Variants in DENND2B observed in about 807,000 individuals in gnomAD.
DENND2B encodes DENN domain-containing protein 2B.
In DENND2B, 32 loss-of-function variants were observed where a neutral mutation model predicts 116.0. The ratio of observed to expected loss-of-function variants is 0.28; its 90% CI spans 0.21 to 0.37. The LOEUF is 0.37. DENND2B is among the 10% of genes least tolerant of loss of function. The probability of loss-of-function intolerance (pLI) is 1.00; values close to 1 mark genes in which losing one functional copy is unlikely to be tolerated. For missense variants in DENND2B, 1,276 were observed against 1,477.7 expected, an observed-to-expected ratio of 0.86 and a Z score of 2.24; for synonymous variants, 588 against 583.9, an observed-to-expected ratio of 1.01 and a Z score of -0.10.
chr11:8,883,643 G>A (rs1406280481), intron 1 of DENND2B, among the ~76,000 whole-genome samples: 2 of 152,172 alleles, frequency 1.3e-5, no homozygotes, highest in African/African-American at 4.8e-5. Flanking sequence ...TTAGAGCTAG[G>A]AAATTTGATG....
chr11:8,770,934 C>A lies in DENND2B; in HGVS notation c.-25-20209G>T, dbSNP rs531044182. ...CACCCCACCTTTTCTGCCAGTCTGA[C>A]ACTCATCTCCTAGCCTCTCTGATAG... On this transcript the variant is annotated intron_variant, in intron 1 of 19. Coordinates refer to ENST00000313726, the MANE Select transcript of DENND2B (RefSeq NM_213618.2). 1.4e-4 allele frequency among the ~76,000 whole-genome samples: 21 copies of A among 152,336 alleles called. No individual in the cohort carries two copies. The East Asian group carries it at 3.9e-3, about 28-fold the overall frequency.
intron 1 of DENND2B, chr11:8,766,586 C>G (rs1246684599): frequency 1.6e-6 from 2 of 1,281,658 alleles, no homozygotes; most frequent in East Asian, 1.1e-4. Context: ...GACAGACCAT[C>G]CACTGAAAGG....
upstream of DENND2B, among the ~76,000 whole-genome samples, chr11:8,812,942 T>C (rs1407227373): frequency 2.6e-5 from 4 of 152,192 alleles, no homozygotes; most frequent in African/African-American, 9.7e-5. Flanking sequence ...AAAAAGGTCC[T>C]GATGTTATTT....
At chr11:8,750,225 T>C (rs1212022907) in intron 2 of DENND2B, among the ~76,000 whole-genome samples, 2 of 152,198 alleles carry the variant, frequency 1.3e-5, no homozygotes, top group Non-Finnish European at 2.9e-5. Context: ...AGGCTGCTGC[T>C]TGGAGTTTGT....
chr11:8,763,529 C>A (rs928093329), intron 1 of DENND2B, among the ~76,000 whole-genome samples: 1 of 151,548 alleles, frequency 6.6e-6, no homozygotes, highest in Non-Finnish European at 1.5e-5. Context: ...TGGTATTTTA[C>A]ATAATGATTA....
chr11:8,833,735 G>A (rs1025546022), intron 4 of DENND2B, among the ~76,000 whole-genome samples: 1 of 152,114 alleles, frequency 6.6e-6, no homozygotes, highest in African/African-American at 2.4e-5. Context: ...CTAAGCACCT[G>A]GAATCTCCCC....
At chr11:8,694,240 A>G in intron 19 of DENND2B, 110 bp from the exon 20 acceptor site, 1 of 1,281,426 alleles carries the variant, frequency 7.8e-7, no homozygotes, top group South Asian at 1.3e-5. Flanking sequence ...AGGATTAGGA[A>G]GACTGGATTA....
intron 1 of DENND2B, among the ~76,000 whole-genome samples, chr11:8,763,323 T>C (rs1029496293): frequency 3.3e-5 from 5 of 152,164 alleles, no homozygotes; most frequent in Non-Finnish European, 7.4e-5. Flanking sequence ...TGGAATAACG[T>C]TGGGTATTAT....
At chr11:8,813,307 G>C (rs577001445), upstream of DENND2B, among the ~76,000 whole-genome samples, 2 of 152,146 alleles carry the variant, frequency 1.3e-5, no homozygotes, top group Non-Finnish European at 2.9e-5. Context: ...GAAGCAATCA[G>C]AGCTTGAAAG....
At chr11:8,708,183 A>G in intron 11 of DENND2B, 1 of 1,272,508 alleles carries the variant, frequency 7.9e-7, no homozygotes. Flanking sequence ...GTGTCTGTGG[A>G]TTCATAGCCC....
At chr11:8,700,290 G>A (rs2041311768) in intron 14 of DENND2B, among the ~76,000 whole-genome samples, 1 of 152,180 alleles carries the variant, frequency 6.6e-6, no homozygotes, top group Non-Finnish European at 1.5e-5. Flanking sequence ...CAGCTGTTGG[G>A]CTAGATTTCT....
chr11:8,878,109 A>T (rs2063863838), intron 2 of DENND2B, among the ~76,000 whole-genome samples: 1 of 152,184 alleles, frequency 6.6e-6, no homozygotes, highest in African/African-American at 2.4e-5. Flanking sequence ...AAGCCAAAGG[A>T]ATTGCCTAAG....
chr11:8,747,426 G>A (rs1401125359), intron 2 of DENND2B, among the ~76,000 whole-genome samples: 1 of 151,666 alleles, frequency 6.6e-6, no homozygotes, highest in Non-Finnish European at 1.5e-5. Context: ...AATCTCCTGA[G>A]AGCAGTAAGT....
chr11:8,738,836 C>A (rs1267251331), intron 2 of DENND2B, among the ~76,000 whole-genome samples: 6 of 152,146 alleles, frequency 3.9e-5, no homozygotes, highest in African/African-American at 1.4e-4. Context: ...CATTGTTTTC[C>A]CTCCTTATCA....
intron 2 of DENND2B, among the ~76,000 whole-genome samples, chr11:8,879,974 G>A (rs978974257): frequency 6.6e-6 from 1 of 152,202 alleles, no homozygotes; most frequent in Non-Finnish European, 1.5e-5. Context: ...CATTTGTACA[G>A]TCAGAGTTAT....
chr11:8,721,485 C>A (rs549176684), intron 4 of DENND2B, among the ~76,000 whole-genome samples: 1 of 118,848 alleles, frequency 8.4e-6, no homozygotes, highest in Non-Finnish European at 1.8e-5. Flanking sequence ...GGTCCTGGGT[C>A]TGCAGCTTCC....
At chr11:8,749,290 C>G (rs80066389) in intron 2 of DENND2B, among the ~76,000 whole-genome samples, 5,534 of 152,318 alleles carry the variant, frequency 0.036, 164 homozygotes, top group African/African-American at 0.078. Context: ...AGAAGCTGTT[C>G]CTTGCCACTC....
At chr11:8,824,294 C>T (rs560897513) in intron 4 of DENND2B, among the ~76,000 whole-genome samples, 1 of 151,874 alleles carries the variant, frequency 6.6e-6, no homozygotes, top group Admixed American at 6.6e-5. Context: ...ATTATTTGAT[C>T]ACCCAGGTAT....
intron 1 of DENND2B, among the ~76,000 whole-genome samples, chr11:8,758,353 G>A (rs775533220): frequency 2.6e-5 from 4 of 152,024 alleles, no homozygotes; most frequent in African/African-American, 7.2e-5. Context: ...CACACACCAC[G>A]GGATCCAGTG....
Sources: gnomAD v4.1 joint callset for allele counts (sites outside exome capture counted in the v4.1 genomes callset) on GRCh38, gnomAD v4.1.1 for gene constraint, MANE v1.5 for transcripts, NCBI Gene and HGNC (gene_info 2026-07-23, HGNC 2026-07-21) for gene names.